Variants in KIAA1671 observed in about 807,000 individuals in gnomAD.
KIAA1671 encodes KIAA1671, also known as uncharacterized protein KIAA1671.
Under a neutral mutation model 131.2 loss-of-function variants are expected in KIAA1671, and 52 were observed. The ratio of observed to expected loss-of-function variants is 0.40; its 90% CI spans 0.32 to 0.50. The LOEUF is 0.50. Ranked by LOEUF, KIAA1671 falls within the 20% of genes least tolerant of loss-of-function variation. KIAA1671 has a pLI of 0.73. For missense variants in KIAA1671, 2,360 were observed against 2,364.2 expected (o/e 1.00, Z 0.04); for synonymous variants, 1,003 against 961.6 (o/e 1.04, Z -0.80).
At chr22:25,190,555 C>T (rs911403774) in intron 11 of KIAA1671, 147 bp from the exon 12 acceptor site, 17 of 626,588 alleles carry the variant, frequency 2.7e-5, no homozygotes, top group Non-Finnish European at 4.0e-5. Flanking sequence ...TTATCAGTCC[C>T]GTTAATATGG....
chr22:25,179,568 C>T (rs1356878902), intron 9 of KIAA1671: 13 of 1,502,292 alleles, frequency 8.7e-6, no homozygotes, highest in African/African-American at 1.4e-5. Context: ...GGGAAGGGAA[C>T]GGAGCCGCTT....
chr22:24,957,671 CT>C (rs886130979), intron 1 of KIAA1671, among the ~76,000 whole-genome samples: 2,217 of 100,292 alleles, frequency 0.022, 16 homozygotes, highest in African/African-American at 0.063. Flanking sequence ...TCTTTTGTTC[CT>C]TTTTTTTTTT....
intron 6 of KIAA1671, among the ~76,000 whole-genome samples, chr22:25,085,561 G>T (rs1929664802): frequency 7.2e-6 from 1 of 139,566 alleles, no homozygotes; most frequent in South Asian, 2.4e-4. Context: ...GGGACGTGTT[G>T]CCTGCTGCTG....
intron 6 of KIAA1671, among the ~76,000 whole-genome samples, chr22:25,148,910 A>G (rs1022979331): frequency 1.3e-5 from 2 of 152,174 alleles, no homozygotes; most frequent in Admixed American, 6.5e-5. Context: ...CAGTTCCTAT[A>G]AATTTCACCA....
At chr22:25,032,240 C>T (rs376326623) in intron 3 of KIAA1671, among the ~76,000 whole-genome samples, 7 of 152,202 alleles carry the variant, frequency 4.6e-5, no homozygotes, top group African/African-American at 7.2e-5. Context: ...AACGCCCTCA[C>T]GTAGCTATTA....
Position 25,163,528 on chromosome 22 carries a change from G to A in KIAA1671, c.4531-7292G>A, listed in dbSNP as rs574767193. Among the ~76,000 whole-genome samples the A allele has an allele frequency of 2.1e-5, 3 of 140,702 alleles. No homozygotes were observed. In the South Asian group the frequency reaches 6.9e-4, roughly 32 times the overall value. 92.3% of individuals were successfully genotyped at this position (140,702 alleles called of 152,430 possible). On this transcript the variant is annotated intron_variant, in intron 6 of 12. Transcript: ENST00000358431. ...GCGATCTCTGCTCATTGCAACCTCC[G>A]CTACCCGGGTTCAAGTGATTCTCTT...
intron 1 of KIAA1671, among the ~76,000 whole-genome samples, chr22:24,966,073 G>A (rs189961586): frequency 9.1e-4 from 139 of 152,344 alleles, no homozygotes; most frequent in Non-Finnish European, 1.6e-3. Context: ...GGCAGGCAGG[G>A]AGGACTAGAG....
At chr22:24,972,624 C>A (rs777322690) in intron 1 of KIAA1671, among the ~76,000 whole-genome samples, 4 of 151,740 alleles carry the variant, frequency 2.6e-5, no homozygotes, top group Non-Finnish European at 5.9e-5. Flanking sequence ...TCCACTTATT[C>A]TTTATTTCTT....
chr22:25,017,802 C>G (rs905152475), intron 1 of KIAA1671, among the ~76,000 whole-genome samples: 6 of 152,158 alleles, frequency 3.9e-5, no homozygotes, highest in Non-Finnish European at 7.3e-5. Flanking sequence ...GGGCTTCTTA[C>G]TCCCCCATGC....
intron 1 of KIAA1671, among the ~76,000 whole-genome samples, chr22:25,007,338 T>C (rs1041715863): frequency 6.6e-6 from 1 of 151,720 alleles, no homozygotes; most frequent in Non-Finnish European, 1.5e-5. Flanking sequence ...ATATAAAAAT[T>C]AGATGGGCAT....
intron 6 of KIAA1671, among the ~76,000 whole-genome samples, chr22:25,068,834 T>C (rs1381604133): frequency 2.0e-5 from 3 of 152,162 alleles, no homozygotes; most frequent in African/African-American, 7.2e-5. Flanking sequence ...AGGATGTTGC[T>C]GGGGCAGTCA....
chr22:25,062,257 T>G (rs1344695302), intron 6 of KIAA1671: 1 of 153,152 alleles, frequency 6.5e-6, no homozygotes, highest in Non-Finnish European at 1.5e-5. Flanking sequence ...TCTTTTCTCC[T>G]CCTCCTCTTT....
At position 25,170,915 on chromosome 22, in the gene KIAA1671, A is replaced by G. The variant is rs1182191226; in HGVS notation, c.4626A>G (p.Thr1542=). 3.2e-6 allele frequency: 5 copies of G among 1,551,558 alleles called. No homozygotes were observed. The highest frequency in any genetic ancestry group is 1.4e-5 in the African/African-American group (1 of 73,044). Residue 1542 remains threonine (T), a synonymous_variant, in exon 7 of 13, where the codon ACA becomes ACG. Coordinates refer to ENST00000358431, the MANE Select transcript of KIAA1671 (RefSeq NM_001145206.2). The stretch of plus-strand genomic sequence containing the variant: ...CCGGCAGCCAGTATGGGACGTGGAC[A>G]GAGCAGTGCCAGAGTGGGGAGAGGT... ...HEAGSQYGTW[T]EQCQSGESLA...
chr22:25,041,169 G>A lies in KIAA1671; in HGVS notation c.4039G>A (p.Glu1347Lys). The stretch of plus-strand genomic sequence containing the variant: ...TGCAAAGTGTCAGAATTACCTGGCT[G>A]AGTCAAAGCCCTCTGGTCGGGAGGA... Reference protein sequence around the residue: ...HVAKCQNYLAESKPSGREDPG... With the variant: ...HVAKCQNYLAKSKPSGREDPG... Residue 1347 changes from glutamate (E) to lysine (K), a missense_variant, in exon 5 of 13, where the codon GAG becomes AAG. Physicochemically the swap from Glu to Lys is moderately conservative, Grantham distance 56 (BLOSUM62 1). Coordinates refer to ENST00000358431, the MANE Select transcript of KIAA1671 (RefSeq NM_001145206.2). 6.4e-7 allele frequency: 1 copy of A among 1,551,724 alleles called. No homozygotes were observed. The highest frequency in any genetic ancestry group is 1.2e-5 in the South Asian group (1 of 84,058).
At chr22:25,111,325 T>A (rs1394033498) in intron 6 of KIAA1671, among the ~76,000 whole-genome samples, 1 of 152,078 alleles carries the variant, frequency 6.6e-6, no homozygotes. Flanking sequence ...GGCAGGCACG[T>A]GAAGTTGCCA....
chr22:25,082,805 C>T (rs1038576097), intron 6 of KIAA1671, among the ~76,000 whole-genome samples: 1 of 152,082 alleles, frequency 6.6e-6, no homozygotes, highest in African/African-American at 2.4e-5. Flanking sequence ...TGCACTCCAG[C>T]CTGGGTGACA....
intron 6 of KIAA1671, chr22:25,070,087 G>A: frequency 2.9e-6 from 1 of 339,536 alleles, no homozygotes; most frequent in Non-Finnish European, 5.3e-6. Flanking sequence ...CCAGGCAGCT[G>A]GGTTCAGAAG....
At chr22:24,989,691 A>C (rs1923737149) in intron 1 of KIAA1671, among the ~76,000 whole-genome samples, 1 of 152,090 alleles carries the variant, frequency 6.6e-6, no homozygotes, top group East Asian at 1.9e-4. Context: ...GGAAGAAACT[A>C]TTTGGGATGA....
intron 1 of KIAA1671, chr22:25,022,866 T>G (rs962375190): frequency 2.6e-4 from 39 of 152,400 alleles, no homozygotes; most frequent in African/African-American, 9.4e-4. Flanking sequence ...GGGGAGGTCT[T>G]GTTGACTTGG....
Sources: gnomAD v4.1 joint callset for allele counts (sites outside exome capture counted in the v4.1 genomes callset) on GRCh38, gnomAD v4.1.1 for gene constraint, MANE v1.5 for transcripts, NCBI Gene and HGNC (gene_info 2026-07-23, HGNC 2026-07-21) for gene names.